The following KIAA0319 variants were observed in gnomAD, a reference collection of about 807,000 sequenced individuals.
The protein encoded by KIAA0319 is KIAA0319.
In KIAA0319, 83 loss-of-function variants were observed where a neutral mutation model predicts 108.4. The ratio of observed to expected loss-of-function variants is 0.77; its 90% confidence interval spans 0.64 to 0.92. KIAA0319 has a LOEUF of 0.92. Ranked by LOEUF, KIAA0319 falls within the 40% of genes least tolerant of loss-of-function variation. The pLI, the probability that KIAA0319 is intolerant of heterozygous loss-of-function variation, is 0.00. For missense variants in KIAA0319, 1,195 were observed against 1,322.4 expected (o/e 0.90, Z 1.49); for synonymous variants, 484 against 510.4 (o/e 0.95, Z 0.70).
At chr6:24,574,659 C>A (rs1765209694) in intron 10 of KIAA0319, among the ~76,000 whole-genome samples, 1 of 151,866 alleles carries the variant, frequency 6.6e-6, no homozygotes, top group Non-Finnish European at 1.5e-5. Context: ...TTTTATAGAT[C>A]CCAAGATTGT....
At chr6:24,565,688 G>A (rs749846036) in intron 14 of KIAA0319, among the ~76,000 whole-genome samples, 102 of 149,678 alleles carry the variant, frequency 6.8e-4, no homozygotes, top group Middle Eastern at 7.2e-3. Context: ...GGGCAGCGGA[G>A]GTTGCAGTGA....
At chr6:24,583,199 G>C in intron 5 of KIAA0319, 1 of 988,576 alleles carries the variant, frequency 1.0e-6, no homozygotes, top group Non-Finnish European at 1.2e-6. Context: ...GAGAACCTGA[G>C]AGCCGTGATT....
chr6:24,556,610 A>G lies in KIAA0319; in HGVS notation c.2854T>C (p.Cys952Arg). Residue 952 changes from cysteine (C) to arginine (R), a missense_variant, in exon 18 of 21, where the codon TGT (cysteine) becomes CGT (arginine). By Grantham distance (180) the Cys-to-Arg change is radical (BLOSUM62 -3). Coordinates refer to ENST00000378214, the MANE Select transcript of KIAA0319 (RefSeq NM_014809.4). ...QRYIWDGESNCEWSIFYVTVL... is the reference protein window; with the variant it reads ...QRYIWDGESNREWSIFYVTVL... ...CCTCCTCTATACCAGAACTCACCAC[A>G]GTTGCTCTCTCCATCCCAGATATAA... The G allele has an allele frequency of 1.2e-6, 2 of 1,613,918 alleles. No homozygotes were observed. Among genetic ancestry groups the G allele is most frequent in the Non-Finnish European group, 1.7e-6 (2 of 1,179,888 alleles).
rs368606481 is a variant in KIAA0319 at position 24,588,652 on chromosome 6, G to A, written c.935C>T (p.Ala312Val). 8.1e-6 allele frequency: 13 copies of A among 1,613,872 alleles called. No homozygotes were observed. In the African/African-American group the frequency reaches 9.3e-5, roughly 12 times the overall value. The change falls in exon 4 of 21, where the codon GCC becomes GTC. Residue 312 changes from alanine (A) to valine (V), a missense_variant. Coordinates refer to ENST00000378214, the MANE Select transcript of KIAA0319 (RefSeq NM_014809.4). ...CTCAGATGGGGTGGACTCAGAGGGGGCTGCGCTAGTGGGAGGTGTTGGGAT... is the reference window on the plus strand; with the variant it reads ...CTCAGATGGGGTGGACTCAGAGGGGACTGCGCTAGTGGGAGGTGTTGGGAT... The part of the protein sequence containing the change: ...HSIPTPPTSA[A>V]PSESTPSELP...
chr6:24,572,854 A>G (rs1764920467), intron 10 of KIAA0319, among the ~76,000 whole-genome samples, 156 bp from the exon 11 acceptor site: 1 of 152,214 alleles, frequency 6.6e-6, no homozygotes, highest in Non-Finnish European at 1.5e-5. Context: ...GGTGGTTCAC[A>G]TCTGTAATCC....
Position 24,596,233 on chromosome 6 carries a change from A to G in KIAA0319, c.441T>C (p.Asp147=), listed in dbSNP as rs750221584. ...IRKDLTFLGK[D]WGLEEMSEYS... is the part of the protein sequence containing the mutation. ...ACTCAGACATCTCCTCTAGGCCCCA[A>G]TCTTTGCCTAGAAAGGTCAAGTCCT... The change falls in exon 3 of 21, where the codon GAT becomes GAC. Residue 147 remains aspartate, a synonymous_variant. Transcript: ENST00000378214. 23 of 1,613,998 alleles carry G rather than the reference A, an allele frequency of 1.4e-5. No individual in the cohort carries two copies. Among genetic ancestry groups the G allele is most frequent in the Middle Eastern group, 1.6e-4 (1 of 6,084 alleles).
chr6:24,578,293 A>C, intron 8 of KIAA0319, 51 bp from the exon 9 acceptor site: 1 of 1,370,262 alleles, frequency 7.3e-7, no homozygotes, highest in East Asian at 2.3e-5. Context: ...AGAGGAAGAC[A>C]TAAGTTTTAT....
At chr6:24,563,215 G>T in intron 16 of KIAA0319, 144 bp downstream of exon 16, 1 of 887,064 alleles carries the variant, frequency 1.1e-6, no homozygotes, top group Non-Finnish European at 1.6e-6. Flanking sequence ...ACTGCCCTTT[G>T]AGAAAAAAAG....
rs1760471579 is a variant in KIAA0319, at chr6:24,545,121, G to A, written c.*2044C>T. On this transcript the variant is annotated 3_prime_UTR_variant, in exon 21 of 21. Coordinates refer to ENST00000378214, the MANE Select transcript of KIAA0319 (RefSeq NM_014809.4). ...AATAGAACTTTCAGGTGGCCCAAAA[G>A]TTCCACCAGAATTTGCCCTCCATCC... is the stretch of plus-strand genomic sequence containing the variant. 6.6e-6 allele frequency: 1 copy of A among 152,168 alleles called. No homozygotes were observed. The highest frequency in any genetic ancestry group is 2.4e-5 in the African/African-American group (1 of 41,438). 9.4% of individuals were successfully genotyped at this position (152,168 alleles called of 1,614,324 possible).
intron 1 of KIAA0319, among the ~76,000 whole-genome samples, chr6:24,614,274 C>T (rs894173525): frequency 2.0e-5 from 3 of 152,092 alleles, no homozygotes; most frequent in Non-Finnish European, 4.4e-5. Flanking sequence ...CCCTTCTCTT[C>T]GCCTCCCGGT....
chr6:24,595,848 C>T lies in KIAA0319; in HGVS notation c.801+25G>A, dbSNP rs59166521. ...CTGCCCCACTCAGCCCATCCCACCC[C>T]CAAGCACATCCTGAACACACTCACC... On this transcript the variant is annotated intron_variant, in intron 3 of 20. Coordinates refer to ENST00000378214, the MANE Select transcript of KIAA0319 (RefSeq NM_014809.4). The T allele has an allele frequency of 6.4e-6, 10 of 1,563,062 alleles. No homozygotes were observed. In the East Asian group the frequency reaches 2.0e-4, roughly 32 times the overall value.
chr6:24,615,251 C>T (rs1042532392), intron 1 of KIAA0319, among the ~76,000 whole-genome samples: 6 of 152,242 alleles, frequency 3.9e-5, no homozygotes, highest in African/African-American at 1.4e-4. Context: ...TGACAGGAGA[C>T]TGCTTTAACA....
At chr6:24,598,029 C>G (rs1360355231) in intron 2 of KIAA0319, 1 of 277,492 alleles carries the variant, frequency 3.6e-6, no homozygotes, top group Non-Finnish European at 7.0e-6. Context: ...TCAAGGTGAC[C>G]CATAAGTCCT....
rs1330009442 is a variant in KIAA0319, at chr6:24,583,471, C to T, written c.1093+133G>A. The stretch of plus-strand genomic sequence containing the variant: ...GTTGATGCTTAAGAATAATCAAAGC[C>T]TTGTCCTCCACCTTTGTTTGTGACG... On this transcript the variant is annotated intron_variant, in intron 5 of 20. Transcript: ENST00000378214. 13 of 683,290 alleles carry T rather than the reference C, an allele frequency of 1.9e-5. No individual in the cohort carries two copies. The East Asian group carries it at 3.2e-4, about 17-fold the overall frequency. The allele number at this position is 683,290 out of a possible 1,614,324, so 42.3% of individuals were successfully genotyped here.
chr6:24,576,951 A>C (rs1322268232), intron 9 of KIAA0319, among the ~76,000 whole-genome samples: 1 of 152,106 alleles, frequency 6.6e-6, no homozygotes, highest in Non-Finnish European at 1.5e-5. Context: ...AAAAAGAAAA[A>C]AAGTAGACAA....
chr6:24,558,952 T>A, intron 17 of KIAA0319, 61 bp downstream of exon 17: 1 of 1,486,300 alleles, frequency 6.7e-7, no homozygotes. Context: ...CTTCTATGTT[T>A]GTCAAACTTA....
chr6:24,583,771 G>C, intron 4 of KIAA0319, 69 bp from the exon 5 acceptor site: 2 of 968,808 alleles, frequency 2.1e-6, no homozygotes, highest in Non-Finnish European at 3.2e-6. Flanking sequence ...CTCTACACTA[G>C]ATCTGTTTTT....
intron 15 of KIAA0319, 113 bp from the exon 16 acceptor site, chr6:24,563,631 T>A: frequency 1.0e-6 from 1 of 955,434 alleles, no homozygotes; most frequent in South Asian, 2.2e-5. Flanking sequence ...TTTCTACATT[T>A]GAGTTGTAGC....
chr6:24,622,783 C>A (rs1366124059), intron 1 of KIAA0319, among the ~76,000 whole-genome samples: 3 of 152,142 alleles, frequency 2.0e-5, no homozygotes, highest in Non-Finnish European at 4.4e-5. Flanking sequence ...GTGGTTCACA[C>A]CTGTAATTTT....
Sources: allele counts gnomAD v4.1 joint callset (sites outside exome capture counted in the v4.1 genomes callset), GRCh38; gene constraint gnomAD v4.1.1; transcripts MANE v1.5; gene names NCBI Gene and HGNC (gene_info 2026-07-23, HGNC 2026-07-21).